Variants in PREX2 observed in about 807,000 individuals in gnomAD.
PREX2 encodes phosphatidylinositol-3,4,5-trisphosphate dependent Rac exchange factor 2.
Under a neutral mutation model 203.2 loss-of-function variants are expected in PREX2, and 107 were observed. The ratio of observed to expected loss-of-function variants is 0.53; its 90% CI spans 0.45 to 0.62. The LOEUF (loss-of-function observed/expected upper bound fraction) is 0.62, where lower values mean the gene tolerates loss of function less well. PREX2 is among the 20% of genes least tolerant of loss of function. The pLI is 0.00. For synonymous variants in PREX2, 672 were observed against 663.6 expected, an observed-to-expected ratio of 1.01 and a Z score of -0.19; for missense variants, 1,777 against 1,955.9, an observed-to-expected ratio of 0.91 and a Z score of 1.72.
At position 68,038,150 on chromosome 8, in the gene PREX2, C is replaced by T. The variant is rs1410636666; in HGVS notation, c.706-9C>T. The T allele has an allele frequency of 6.2e-7, 1 of 1,610,800 alleles. No homozygotes were observed. The highest frequency in any genetic ancestry group is 1.1e-5 in the South Asian group (1 of 90,722). On this transcript the variant is annotated splice_polypyrimidine_tract_variant and intron_variant, in intron 6 of 39. Transcript: ENST00000288368. ...TAAGCAGACATTAATTGCATTTCTCCTGACTTAGGGGTCCAACATCACTGA... is the reference window on the plus strand; with the variant it reads ...TAAGCAGACATTAATTGCATTTCTCTTGACTTAGGGGTCCAACATCACTGA...
At chr8:68,228,551 A>C (rs966494547) in intron 39 of PREX2, among the ~76,000 whole-genome samples, 6 of 152,082 alleles carry the variant, frequency 3.9e-5, no homozygotes, top group Admixed American at 3.9e-4. Context: ...TCATGCGGTC[A>C]GGAGATCAAG....
chr8:68,047,476 TA>T (rs1563516849), intron 8 of PREX2, among the ~76,000 whole-genome samples: 19 of 11,234 alleles, frequency 1.7e-3, no homozygotes, highest in African/African-American at 0.012. Flanking sequence ...AATTTATATA[TA>T]TATATATATA....
intron 1 of PREX2, among the ~76,000 whole-genome samples, chr8:67,961,302 T>A (rs1454692856): frequency 6.6e-6 from 1 of 151,998 alleles, no homozygotes; most frequent in Non-Finnish European, 1.5e-5. Context: ...TTACTTTTCA[T>A]GAGATAGATT....
At position 68,154,855 on chromosome 8, in the gene PREX2, C is replaced by T. The variant is rs552273531; in HGVS notation, c.4232-2467C>T. 4.6e-5 allele frequency among the ~76,000 whole-genome samples: 7 copies of T among 152,254 alleles called. No individual in the cohort carries two copies. The East Asian group carries it at 1.4e-3, about 29-fold the overall frequency. On this transcript the variant is annotated intron_variant, in intron 34 of 39. Transcript: ENST00000288368. ...CCAATAATTCAGTGAGGTCCAGATA[C>T]TTATATACCCTTCTTCATAGGCGAT... is the stretch of plus-strand genomic sequence containing the variant.
intron 18 of PREX2, among the ~76,000 whole-genome samples, chr8:68,086,044 A>G (rs1244075230): frequency 6.6e-6 from 1 of 152,102 alleles, no homozygotes; most frequent in Non-Finnish European, 1.5e-5. Flanking sequence ...GTTATCTTTC[A>G]TTTTCAAGTG....
chr8:68,136,895 C>T (rs988451633), intron 32 of PREX2, among the ~76,000 whole-genome samples: 9 of 151,604 alleles, frequency 5.9e-5, no homozygotes, highest in Admixed American at 5.3e-4. Context: ...GATTTGGCTA[C>T]GAGGTTACAG....
intron 8 of PREX2, among the ~76,000 whole-genome samples, chr8:68,047,496 T>C (rs1336898601): frequency 2.6e-5 from 2 of 75,758 alleles, no homozygotes; most frequent in African/African-American, 1.8e-4. Context: ...TATATATATA[T>C]ATATATATAT....
intron 35 of PREX2, among the ~76,000 whole-genome samples, chr8:68,166,864 T>G (rs1811771609): frequency 6.6e-6 from 1 of 152,030 alleles, no homozygotes; most frequent in African/African-American, 2.4e-5. Context: ...GGTGGGTGGA[T>G]GCCTTGAGCT....
rs187251102 is a variant in PREX2, at chr8:68,210,195, G to T, written c.4605-7421G>T. 1.6e-3 allele frequency among the ~76,000 whole-genome samples: 243 copies of T among 152,238 alleles called. 2 individuals carry two copies. Among genetic ancestry groups the T allele is most frequent in the African/African-American group, 4.4e-3 (184 of 41,546 alleles). On this transcript the variant is annotated intron_variant, in intron 37 of 39. Transcript: ENST00000288368. ...TAATCCCACCCTCGATTTTAAAAAT[G>T]TGGGGAAATAAAAAGCATCCCCTAC...
chr8:68,071,549 A>AT (rs1197131348), intron 13 of PREX2, among the ~76,000 whole-genome samples: 3 of 152,034 alleles, frequency 2.0e-5, no homozygotes, highest in Admixed American at 6.6e-5. Flanking sequence ...CCACTTTTTC[A>AT]TTTTTTTATG....
chr8:68,231,775 T>G lies in PREX2; in HGVS notation c.*397T>G, dbSNP rs566307944. On this transcript the variant is annotated 3_prime_UTR_variant, in exon 40 of 40. Transcript: ENST00000288368. ...TTTCCCAAGTGGACACATGTAATAA[T>G]GGAGAGTTCCTCTTGAAGAAGGCCA... The G allele has an allele frequency of 5.6e-6, 1 of 177,558 alleles. No homozygotes were observed. Among genetic ancestry groups the G allele is most frequent in the Admixed American group, 6.3e-5 (1 of 15,904 alleles). The allele number at this position is 177,558 out of a possible 1,614,324, so 11.0% of individuals were successfully genotyped here. A position where few individuals can be genotyped will look rare whatever the true frequency, so the allele number is the denominator to read the frequency against.
At chr8:68,148,162 G>T (rs749243644) in intron 34 of PREX2, among the ~76,000 whole-genome samples, 16 of 152,104 alleles carry the variant, frequency 1.1e-4, no homozygotes, top group Non-Finnish European at 2.1e-4. Context: ...CACAAGAATT[G>T]CTTGAACCTG....
In PREX2 at chr8:68,119,465, A is replaced by T; in HGVS notation, c.3455A>T (p.His1152Leu). 1 of 1,612,506 alleles carries T rather than the reference A, an allele frequency of 6.2e-7. No homozygotes were observed. Among genetic ancestry groups the T allele is most frequent in the Non-Finnish European group, 8.5e-7 (1 of 1,178,694 alleles). ...CTTCCCTTAAGTGTTCGCATATCTC[A>T]TGATAAACAGGACAAGATACATAGT... ...DELPLSVRIS[H>L]DKQDKIHSCL... Residue 1152 changes from histidine to leucine, a missense_variant, in exon 28 of 40, where the codon CAT (histidine) becomes CTT (leucine). Coordinates refer to ENST00000288368, the MANE Select transcript of PREX2 (RefSeq NM_024870.4).
At chr8:68,209,071 A>T (rs1442134148) in intron 37 of PREX2, among the ~76,000 whole-genome samples, 4 of 110,514 alleles carry the variant, frequency 3.6e-5, no homozygotes, top group East Asian at 2.2e-4. Flanking sequence ...GGACTCATTT[A>T]AAAAAAAAAA....
chr8:68,078,161 TTTTA>T (rs1195911191), intron 15 of PREX2, among the ~76,000 whole-genome samples: 7 of 152,000 alleles, frequency 4.6e-5, no homozygotes, highest in Admixed American at 1.3e-4. Flanking sequence ...GTCTCTCTCT[TTTTA>T]TTTATTTATT....
chr8:68,202,409 T>C (rs572510160), intron 37 of PREX2, among the ~76,000 whole-genome samples: 2 of 152,294 alleles, frequency 1.3e-5, no homozygotes, highest in South Asian at 4.1e-4. Context: ...GACTCTCTCC[T>C]GGAGGACTTA....
intron 35 of PREX2, among the ~76,000 whole-genome samples, chr8:68,158,336 G>A (rs1811587439): frequency 6.6e-6 from 1 of 151,780 alleles, no homozygotes; most frequent in Admixed American, 6.6e-5. Context: ...TTTTTGTCCT[G>A]TCAACTTAAA....
At chr8:68,045,134 A>G (rs1163743228) in intron 8 of PREX2, among the ~76,000 whole-genome samples, 1 of 152,168 alleles carries the variant, frequency 6.6e-6, no homozygotes, top group East Asian at 1.9e-4. Flanking sequence ...TGCTTCATAG[A>G]TTTGAAAGTG....
intron 33 of PREX2, among the ~76,000 whole-genome samples, chr8:68,145,648 G>T (rs1038581239): frequency 4.0e-5 from 6 of 151,098 alleles, no homozygotes; most frequent in Non-Finnish European, 7.4e-5. Context: ...AAGTTGATTG[G>T]TTTTTTTTTA....
Sources: allele counts gnomAD v4.1 joint callset (sites outside exome capture counted in the v4.1 genomes callset), GRCh38; gene constraint gnomAD v4.1.1; transcripts MANE v1.5; gene names NCBI Gene and HGNC (gene_info 2026-07-23, HGNC 2026-07-21).